MYO1E: variants seen among roughly 807,000 people sequenced by gnomAD.
The protein encoded by MYO1E is myosin IE, also known as unconventional myosin-Ie.
Under a neutral mutation model 151.1 loss-of-function variants are expected in MYO1E, and 68 were observed. The observed-to-expected ratio is 0.45, with a 90% CI of 0.37 to 0.55. MYO1E has a LOEUF of 0.55. Ranked by LOEUF, MYO1E falls within the 20% of genes least tolerant of loss-of-function variation. The probability of loss-of-function intolerance (pLI) is 0.00; values close to 1 mark genes in which losing one functional copy is unlikely to be tolerated. For missense variants in MYO1E, 1,363 were observed against 1,389.3 expected (o/e 0.98, Z 0.30); for synonymous variants, 601 against 501.7 (o/e 1.20, Z -2.64).
At chr15:59,278,080 C>A (rs1446589057) in intron 1 of MYO1E, among the ~76,000 whole-genome samples, 1 of 152,176 alleles carries the variant, frequency 6.6e-6, no homozygotes, top group Non-Finnish European at 1.5e-5. Flanking sequence ...ACTGACCAGG[C>A]TCTCAAAGTC....
chr15:59,220,471 T>C (rs1181884072), intron 9 of MYO1E, among the ~76,000 whole-genome samples: 10 of 152,060 alleles, frequency 6.6e-5, no homozygotes, highest in Non-Finnish European at 5.9e-5. Flanking sequence ...AAAAACAAAA[T>C]AAAACAAAAA....
chr15:59,253,404 A>G (rs114856507), intron 4 of MYO1E, among the ~76,000 whole-genome samples: 1,575 of 152,234 alleles, frequency 0.01, 32 homozygotes, highest in African/African-American at 0.036. Context: ...ACACACGAAG[A>G]GAGAGCAACA....
chr15:59,207,199 A>G, intron 14 of MYO1E: 1 of 1,614,238 alleles, frequency 6.2e-7, no homozygotes, highest in Non-Finnish European at 8.5e-7. Context: ...CTGCGCTATC[A>G]GCATCTTATT....
intron 4 of MYO1E, among the ~76,000 whole-genome samples, chr15:59,251,826 G>C (rs1473007806): frequency 6.6e-6 from 1 of 152,152 alleles, no homozygotes; most frequent in Admixed American, 6.5e-5. Flanking sequence ...CCCAACTGTA[G>C]GTCAGGTTGA....
intron 18 of MYO1E, among the ~76,000 whole-genome samples, chr15:59,187,001 G>A (rs2079702422): frequency 6.6e-6 from 1 of 152,164 alleles, no homozygotes; most frequent in Non-Finnish European, 1.5e-5. Flanking sequence ...TACATGGATT[G>A]TACAAAATTT....
chr15:59,349,794 A>AT (rs2080814109), intron 1 of MYO1E, among the ~76,000 whole-genome samples: 1 of 152,162 alleles, frequency 6.6e-6, no homozygotes, highest in African/African-American at 2.4e-5. Flanking sequence ...ACCTTACTCA[A>AT]TTATTTCCAA....
intron 14 of MYO1E, among the ~76,000 whole-genome samples, chr15:59,206,151 A>G (rs1463081414): frequency 6.6e-6 from 1 of 152,138 alleles, no homozygotes; most frequent in African/African-American, 2.4e-5. Context: ...GATGGGCTTT[A>G]TAAGAACACC....
intron 4 of MYO1E, among the ~76,000 whole-genome samples, chr15:59,243,599 C>T (rs1204071785): frequency 6.6e-6 from 1 of 152,018 alleles, no homozygotes; most frequent in Non-Finnish European, 1.5e-5. Context: ...ACCTTTAAGA[C>T]CCTCATATGG....
chr15:59,272,921 A>C (rs1198332771), intron 1 of MYO1E, among the ~76,000 whole-genome samples: 1 of 152,242 alleles, frequency 6.6e-6, no homozygotes, highest in East Asian at 1.9e-4. Flanking sequence ...ACATGACAGA[A>C]TCCAGAAATG....
intron 1 of MYO1E, among the ~76,000 whole-genome samples, chr15:59,370,628 C>T (rs1337343589): frequency 1.4e-4 from 22 of 152,242 alleles, no homozygotes; most frequent in Admixed American, 1.2e-3. Context: ...CTACAGCATG[C>T]CTTCTTCGCA....
intron 5 of MYO1E, among the ~76,000 whole-genome samples, chr15:59,235,407 C>T (rs779006011): frequency 6.6e-6 from 1 of 151,666 alleles, no homozygotes; most frequent in Non-Finnish European, 1.5e-5. Flanking sequence ...TCTTTTGATC[C>T]CTCAAATGGC....
chr15:59,343,586 A>T (rs977549173), intron 1 of MYO1E, among the ~76,000 whole-genome samples: 6 of 152,032 alleles, frequency 3.9e-5, no homozygotes, highest in African/African-American at 9.7e-5. Context: ...CCTTTGAATA[A>T]ACTTTCCACC....
At chr15:59,335,238 C>A (rs1222788952) in intron 1 of MYO1E, among the ~76,000 whole-genome samples, 3 of 152,044 alleles carry the variant, frequency 2.0e-5, no homozygotes, top group Non-Finnish European at 4.4e-5. Context: ...GAATAAAGAA[C>A]AAGATTTGGC....
At chr15:59,165,117 T>A (rs1185963593) in intron 22 of MYO1E, among the ~76,000 whole-genome samples, 1 of 152,188 alleles carries the variant, frequency 6.6e-6, no homozygotes, top group Non-Finnish European at 1.5e-5. Flanking sequence ...AAAAATTAAA[T>A]TCTTACTGTT....
intron 1 of MYO1E, among the ~76,000 whole-genome samples, chr15:59,314,701 G>A (rs1210146586): frequency 6.6e-6 from 1 of 152,084 alleles, no homozygotes; most frequent in African/African-American, 2.4e-5. Context: ...GACTGAGGAG[G>A]GGGTACTACT....
rs776931350 is a variant in MYO1E, at chr15:59,236,624, G to C, written c.381C>G (p.Ser127Arg). The C allele has an allele frequency of 1.2e-6, 2 of 1,613,972 alleles. No individual in the cohort carries two copies. The highest frequency in any genetic ancestry group is 3.3e-5 in the Admixed American group (2 of 60,010). ...CTCCTCCAGACACTCTGGAGATGTA[G>C]CTCATGATATATTTGGCAGCCACTG... The part of the protein sequence containing the change: ...GKTVAAKYIM[S>R]YISRVSGGGT... Residue 127 changes from serine (S) to arginine (R), a missense_variant, in exon 5 of 28, where the codon AGC becomes AGG. Physicochemically the swap from Ser to Arg is moderately radical, Grantham distance 110. Transcript: ENST00000288235.
At chr15:59,324,563 T>C (rs2080650559) in intron 1 of MYO1E, among the ~76,000 whole-genome samples, 2 of 152,092 alleles carry the variant, frequency 1.3e-5, no homozygotes, top group Non-Finnish European at 1.5e-5. Flanking sequence ...ACCTCAGAGA[T>C]GCTGCCAGAT....
intron 1 of MYO1E, among the ~76,000 whole-genome samples, chr15:59,330,382 T>C (rs537214156): frequency 3.3e-4 from 51 of 152,342 alleles, no homozygotes; most frequent in African/African-American, 1.2e-3. Flanking sequence ...GAGTGGAACA[T>C]TGCTGACATT....
intron 1 of MYO1E, among the ~76,000 whole-genome samples, chr15:59,296,994 CACG>C (rs2080453126): frequency 1.2e-5 from 1 of 86,638 alleles, no homozygotes; most frequent in Non-Finnish European, 2.8e-5. Context: ...CGCCCGCTAC[CACG>C]CCCGGCTAAT....
Sources: gnomAD v4.1 joint callset for allele counts (sites outside exome capture counted in the v4.1 genomes callset) on GRCh38, gnomAD v4.1.1 for gene constraint, MANE v1.5 for transcripts, NCBI Gene and HGNC (gene_info 2026-07-23, HGNC 2026-07-21) for gene names.